DLC1: variants seen among roughly 807,000 people sequenced by gnomAD.
DLC1 encodes rho GTPase-activating protein 7.
Under a neutral mutation model 140.3 loss-of-function variants are expected in DLC1, and 54 were observed. The ratio of observed to expected loss-of-function variants is 0.38; its 90% CI spans 0.31 to 0.48. The LOEUF (loss-of-function observed/expected upper bound fraction) is 0.48, where lower values mean the gene tolerates loss of function less well. DLC1 is among the 20% of genes least tolerant of loss of function. The pLI, the probability that DLC1 is intolerant of heterozygous loss-of-function variation, is 0.96. For synonymous variants in DLC1, 986 were observed against 728.1 expected, an observed-to-expected ratio of 1.35 and a Z score of -5.70; for missense variants, 2,536 against 1,907.0, an observed-to-expected ratio of 1.33 and a Z score of -6.14.
intron 4 of DLC1, among the ~76,000 whole-genome samples, chr8:13,389,846 T>G (rs289556): frequency 0.84 from 128,302 of 152,094 alleles, 54,275 homozygotes; most frequent in East Asian, 0.98. Flanking sequence ...ATGAAGGTAG[T>G]CGTGCTGTAA....
At chr8:13,601,323 C>G (rs533602257) in intron 1 of DLC1, among the ~76,000 whole-genome samples, 1 of 151,818 alleles carries the variant, frequency 6.6e-6, no homozygotes, top group South Asian at 2.1e-4. Flanking sequence ...CTATCTTATA[C>G]TTCAGTGTAT....
At chr8:13,323,164 G>T (rs763680297) in intron 4 of DLC1, among the ~76,000 whole-genome samples, 57 of 152,308 alleles carry the variant, frequency 3.7e-4, no homozygotes, top group Middle Eastern at 3.4e-3. Context: ...AACTGTGTGA[G>T]ATTATATACG....
In DLC1 at chr8:13,119,200, C is replaced by T. The variant is rs946769631; in HGVS notation, c.1349-3543G>A. 5.7e-5 allele frequency among the ~76,000 whole-genome samples: 8 copies of T among 140,958 alleles called. No homozygotes were observed. In the East Asian group the frequency reaches 8.2e-4, roughly 15 times the overall value. The allele number at this position is 140,958 out of a possible 152,430, so 92.5% of individuals were successfully genotyped here. ...CTGTGACCACACTACTGCATTCCAA[C>T]GTGAGCAACAGGGCAAGACCCTGTC... On this transcript the variant is annotated intron_variant, in intron 5 of 17. Transcript: ENST00000276297.
chr8:13,409,844 G>A (rs289609), intron 2 of DLC1, among the ~76,000 whole-genome samples: 122,563 of 152,116 alleles, frequency 0.81, 49,736 homozygotes, highest in African/African-American at 0.9. Context: ...ACACTTCTAC[G>A]TGCTAAGGTT....
chr8:13,103,856 A>G lies in DLC1; in HGVS notation c.1503-1003T>C, dbSNP rs575235088. On this transcript the variant is annotated intron_variant, in intron 7 of 17. Transcript: ENST00000276297. ...CTCCATCTCAAAAAAAAAAAAAAAA[A>G]AAAGAAAGAAAGAAAAGAAAAGTTT... Among the ~76,000 whole-genome samples the G allele has an allele frequency of 8.3e-3, 1,148 of 137,918 alleles. 20 individuals are homozygous for G. Among genetic ancestry groups the G allele is most frequent in the African/African-American group, 0.028 (1,098 of 38,978 alleles). The allele number at this position is 137,918 out of a possible 152,430, so 90.5% of individuals were successfully genotyped here.
intron 4 of DLC1, among the ~76,000 whole-genome samples, chr8:13,317,624 T>G (rs1410011730): frequency 6.6e-6 from 1 of 152,096 alleles, no homozygotes; most frequent in Non-Finnish European, 1.5e-5. Context: ...TGTATTGGGC[T>G]GTGTCTGGTG....
At chr8:13,307,914 G>C (rs538851044) in intron 4 of DLC1, among the ~76,000 whole-genome samples, 74 of 152,290 alleles carry the variant, frequency 4.9e-4, no homozygotes, top group Non-Finnish European at 8.7e-4. Context: ...GAGGAAAAAA[G>C]TTTGGATTGG....
chr8:13,599,596 G>A (rs955491555), intron 1 of DLC1, among the ~76,000 whole-genome samples: 19 of 151,886 alleles, frequency 1.3e-4, no homozygotes, highest in Non-Finnish European at 1.5e-4. Context: ...ATAAACTACG[G>A]AAGTTGAAGA....
intron 5 of DLC1, among the ~76,000 whole-genome samples, chr8:13,208,809 C>A (rs1827798686): frequency 6.6e-6 from 1 of 151,734 alleles, no homozygotes; most frequent in Non-Finnish European, 1.5e-5. Flanking sequence ...GATAGTTTTA[C>A]AAGCAATTCC....
intron 1 of DLC1, chr8:13,558,719 C>T (rs1030458484): frequency 6.6e-5 from 10 of 152,044 alleles, no homozygotes; most frequent in African/African-American, 1.9e-4. Flanking sequence ...TCAGTTACAT[C>T]GAGGATTACA....
In DLC1 at chr8:13,298,858, T is replaced by C. The variant is rs528716259; in HGVS notation, c.1348+6411A>G. On this transcript the variant is annotated intron_variant, in intron 5 of 17. Coordinates refer to ENST00000276297, the MANE Select transcript of DLC1 (RefSeq NM_182643.3). ...CAAATCTGCACTTGTACCCCCTGAA[T>C]AAAAAAAAAGTTGAAACTATTTTTT... 2.0e-5 allele frequency among the ~76,000 whole-genome samples: 3 copies of C among 151,440 alleles called. No homozygotes were observed. In the East Asian group the frequency reaches 5.8e-4, roughly 29 times the overall value.
chr8:13,132,908 C>A (rs567547623), intron 5 of DLC1: 40 of 1,572,330 alleles, frequency 2.5e-5, no homozygotes, highest in Non-Finnish European at 3.0e-5. Flanking sequence ...CCCGCTCCCG[C>A]GGCCAGCCCG....
intron 5 of DLC1, among the ~76,000 whole-genome samples, chr8:13,158,766 C>G (rs1476005974): frequency 7.1e-6 from 1 of 141,464 alleles, no homozygotes; most frequent in Admixed American, 7.2e-5. Flanking sequence ...CACATCTCTC[C>G]TCTTTTTTTC....
At chr8:13,307,588 T>A (rs1383963299) in intron 4 of DLC1, among the ~76,000 whole-genome samples, 3 of 152,172 alleles carry the variant, frequency 2.0e-5, no homozygotes, top group Non-Finnish European at 4.4e-5. Context: ...TTGTGAAAAG[T>A]GAACGAACAG....
At chr8:13,578,721 C>A (rs1804935347) in intron 1 of DLC1, among the ~76,000 whole-genome samples, 1 of 152,106 alleles carries the variant, frequency 6.6e-6, no homozygotes, top group Non-Finnish European at 1.5e-5. Flanking sequence ...TGAAGAGATG[C>A]ACAGGGCAAG....
In DLC1 at chr8:13,499,003, T is replaced by C. The variant is rs117820665; in HGVS notation, c.1023+46A>G. Reference sequence around the variant, plus strand: ...AAATGATAACTGATAAATCCAAGGATATTTACAAAATTTCAAAAGCCAGAG... The same window carrying C: ...AAATGATAACTGATAAATCCAAGGACATTTACAAAATTTCAAAAGCCAGAG... On this transcript the variant is annotated intron_variant, in intron 2 of 17. Transcript: ENST00000276297. 6,257 of 1,529,350 alleles carry C rather than the reference T, an allele frequency of 4.1e-3. 21 individuals are homozygous for C. The highest frequency in any genetic ancestry group is 5.0e-3 in the Non-Finnish European group (5,672 of 1,145,398). The allele number at this position is 1,529,350 out of a possible 1,614,324, so 94.7% of individuals were successfully genotyped here.
At chr8:13,195,265 A>T (rs527886134) in intron 5 of DLC1, among the ~76,000 whole-genome samples, 1 of 130,756 alleles carries the variant, frequency 7.6e-6, no homozygotes, top group Admixed American at 8.3e-5. Context: ...ACCTTGGGAT[A>T]TCTGTTGAAC....
chr8:13,330,036 C>T (rs2116940075), intron 4 of DLC1, among the ~76,000 whole-genome samples: 1 of 152,284 alleles, frequency 6.6e-6, no homozygotes, highest in South Asian at 2.1e-4. Context: ...ATGATCGTAG[C>T]TCACTGCAGC....
intron 5 of DLC1, among the ~76,000 whole-genome samples, chr8:13,164,592 G>A (rs1824968681): frequency 6.6e-6 from 1 of 152,116 alleles, no homozygotes; most frequent in South Asian, 2.1e-4. Context: ...TATCAACATG[G>A]AACCATGTTG....
Sources: allele counts gnomAD v4.1 joint callset (sites outside exome capture counted in the v4.1 genomes callset), GRCh38; gene constraint gnomAD v4.1.1; transcripts MANE v1.5; gene names NCBI Gene and HGNC (gene_info 2026-07-23, HGNC 2026-07-21).